FKBP6: variants seen among roughly 807,000 people sequenced by gnomAD.
The protein encoded by FKBP6 is inactive peptidyl-prolyl cis-trans isomerase FKBP6.
In FKBP6, 29 loss-of-function variants were observed where a neutral mutation model predicts 41.7. The observed-to-expected ratio is 0.70, with a 90% CI of 0.52 to 0.95. FKBP6 has a LOEUF of 0.95. Ranked by LOEUF, FKBP6 falls within the 40% of genes least tolerant of loss-of-function variation. The pLI is 0.00. For synonymous variants in FKBP6, 130 were observed against 165.1 expected (o/e 0.79, Z 1.63); for missense variants, 338 against 408.7 (o/e 0.83, Z 1.49).
intron 8 of FKBP6, among the ~76,000 whole-genome samples, chr7:73,347,049 C>T (rs929550503): frequency 6.6e-6 from 1 of 152,150 alleles, no homozygotes; most frequent in Non-Finnish European, 1.5e-5. Context: ...CTGGCAGGAC[C>T]AGGGGTGCAG....
chr7:73,342,295 T>C (rs964263944), intron 7 of FKBP6, among the ~76,000 whole-genome samples: 1 of 152,198 alleles, frequency 6.6e-6, no homozygotes, highest in Non-Finnish European at 1.5e-5. Flanking sequence ...TCTTCTTCTG[T>C]AATGGTGAAA....
intron 6 of FKBP6, 57 bp downstream of exon 6, chr7:73,340,889 C>G: frequency 9.3e-7 from 1 of 1,078,824 alleles, no homozygotes; most frequent in Non-Finnish European, 1.4e-6. Flanking sequence ...AGTAGCAGTG[C>G]TCAACTCAGC....
At chr7:73,351,075 TA>T (rs1303804588) in intron 8 of FKBP6, among the ~76,000 whole-genome samples, 10 of 152,290 alleles carry the variant, frequency 6.6e-5, no homozygotes, top group Admixed American at 2.0e-4. Context: ...TTTTTGTAAT[TA>T]TTTTTTTTTC....
chr7:73,348,663 C>T (rs1332885079), intron 8 of FKBP6, among the ~76,000 whole-genome samples: 2 of 152,226 alleles, frequency 1.3e-5, no homozygotes, highest in African/African-American at 4.8e-5. Context: ...ACTCCAGTGA[C>T]AATTCCAGGT....
intron 8 of FKBP6, among the ~76,000 whole-genome samples, chr7:73,349,546 C>CAAAAA (rs1175280907): frequency 4.1e-5 from 2 of 48,686 alleles, no homozygotes; most frequent in African/African-American, 7.2e-5. Flanking sequence ...TACTAAAATA[C>CAAAAA]AAAAAAAAAA....
intron 5 of FKBP6, chr7:73,336,715 T>G (rs1805015427): frequency 2.2e-6 from 1 of 456,392 alleles, no homozygotes; most frequent in Non-Finnish European, 4.4e-6. Flanking sequence ...GCAGGACATG[T>G]CAAATGACAA....
intron 5 of FKBP6, among the ~76,000 whole-genome samples, chr7:73,332,509 C>A (rs1198349377): frequency 1.3e-5 from 2 of 151,128 alleles, no homozygotes; most frequent in African/African-American, 4.9e-5. Context: ...AAAAAAAAAT[C>A]CTCATGCCAA....
rs1329842723 is a variant in FKBP6 at position 73,328,192 on chromosome 7, T to C, written c.-237T>C. 2.6e-5 allele frequency: 40 copies of C among 1,547,296 alleles called. No individual in the cohort carries two copies. The highest frequency in any genetic ancestry group is 3.3e-5 in the Non-Finnish European group (38 of 1,145,420). ...TTTCGTGCGCTCCCATTACGGATCATACCTCGCACCTCACCGCGTGGCCTC... is the reference window on the plus strand; with the variant it reads ...TTTCGTGCGCTCCCATTACGGATCACACCTCGCACCTCACCGCGTGGCCTC... On this transcript the variant is annotated 5_prime_UTR_variant, in exon 1 of 9. Transcript: ENST00000252037.
intron 8 of FKBP6, among the ~76,000 whole-genome samples, chr7:73,355,261 T>G (rs782688354): frequency 5.9e-5 from 9 of 152,232 alleles, no homozygotes; most frequent in Non-Finnish European, 1.2e-4. Context: ...GCCATTGTCT[T>G]TGTCGATCTC....
intron 5 of FKBP6, among the ~76,000 whole-genome samples, chr7:73,332,017 C>T (rs1357855547): frequency 5.9e-5 from 9 of 152,078 alleles, no homozygotes; most frequent in Non-Finnish European, 1.3e-4. Flanking sequence ...GCACCCGCCA[C>T]TTCACCTGGC....
chr7:73,349,426 AG>A (rs1212868078), intron 8 of FKBP6, among the ~76,000 whole-genome samples: 4 of 150,284 alleles, frequency 2.7e-5, no homozygotes, highest in Non-Finnish European at 5.9e-5. Flanking sequence ...TAAAAAGGCC[AG>A]GTGCAGTGGC....
At chr7:73,355,643 G>T (rs1308673685) in intron 8 of FKBP6, among the ~76,000 whole-genome samples, 1 of 144,570 alleles carries the variant, frequency 6.9e-6, no homozygotes, top group Non-Finnish European at 1.5e-5. Context: ...GTCTCCAAAG[G>T]TAAAAAAAAA....
In FKBP6 at chr7:73,328,170, C is replaced by G; in HGVS notation, c.-259C>G. 6.5e-7 allele frequency: 1 copy of G among 1,535,534 alleles called. No homozygotes were observed. The highest frequency in any genetic ancestry group is 2.0e-5 in the Admixed American group (1 of 50,874). On this transcript the variant is annotated 5_prime_UTR_variant, in exon 1 of 9. Coordinates refer to ENST00000252037, the MANE Select transcript of FKBP6 (RefSeq NM_003602.5). ...TCCCGTTACGTGTCCCATCATGTTT[C>G]GTGCGCTCCCATTACGGATCATACC...
chr7:73,348,851 TC>T (rs1345722708), intron 8 of FKBP6, among the ~76,000 whole-genome samples: 1 of 152,164 alleles, frequency 6.6e-6, no homozygotes, highest in Non-Finnish European at 1.5e-5. Context: ...AGGCCTGTAA[TC>T]CCAGCATTTC....
At chr7:73,339,204 G>A (rs1805098302) in intron 5 of FKBP6, 1 of 152,230 alleles carries the variant, frequency 6.6e-6, no homozygotes, top group Admixed American at 6.5e-5. Context: ...CCAGCGCAGA[G>A]TCTTAGAGTT....
chr7:73,331,885 CAA>C (rs1274898968), intron 5 of FKBP6, 109 bp downstream of exon 5: 67 of 1,190,974 alleles, frequency 5.6e-5, no homozygotes, highest in African/African-American at 1.1e-4. Context: ...GTTTTTGAGA[CAA>C]GAGTGTCGCT....
chr7:73,345,872 C>T (rs182972481), intron 8 of FKBP6, among the ~76,000 whole-genome samples: 118 of 152,198 alleles, frequency 7.8e-4, no homozygotes, highest in Middle Eastern at 3.4e-3. Flanking sequence ...CACTTTGTTC[C>T]ACGGGGCTGT....
Position 73,329,393 on chromosome 7 carries a change from G to A in FKBP6, c.209G>A (p.Arg70Lys). ...KYSGYLEHMD[R>K]PFDSNYFRKT... ...TCGGGATACCTGGAACACATGGACA[G>A]ACCCTTCGATTCTAATTACTTTAGG... Residue 70 changes from arginine (R) to lysine (K), a missense_variant, in exon 3 of 9, where the codon AGA (arginine) becomes AAA (lysine). Physicochemically the swap from Arg to Lys is conservative, Grantham distance 26. Coordinates refer to ENST00000252037, the MANE Select transcript of FKBP6 (RefSeq NM_003602.5). The A allele has an allele frequency of 6.2e-7, 1 of 1,610,464 alleles. No homozygotes were observed. The highest frequency in any genetic ancestry group is 1.1e-5 in the South Asian group (1 of 90,990).
At chr7:73,357,953 A>T (rs1210737576) in intron 8 of FKBP6, among the ~76,000 whole-genome samples, 3 of 149,232 alleles carry the variant, frequency 2.0e-5, no homozygotes, top group African/African-American at 7.5e-5. Flanking sequence ...GTGCTACTGC[A>T]CTCCAGCTGG....
Sources: gnomAD v4.1 joint callset for allele counts (sites outside exome capture counted in the v4.1 genomes callset) on GRCh38, gnomAD v4.1.1 for gene constraint, MANE v1.5 for transcripts, NCBI Gene and HGNC (gene_info 2026-07-23, HGNC 2026-07-21) for gene names.